Variants in PSMD12 observed in about 807,000 individuals in gnomAD.
PSMD12 encodes the protein proteasome 26S subunit, non-ATPase 12.
In PSMD12, 8 loss-of-function variants were observed where a neutral mutation model predicts 62.9. The observed-to-expected ratio is 0.13, with a 90% CI of 0.07 to 0.23. The LOEUF (loss-of-function observed/expected upper bound fraction) is 0.23, where lower values mean the gene tolerates loss of function less well. Among genes scored for constraint, PSMD12 ranks in the 10% least tolerant of loss-of-function variants. The pLI is 1.00. For missense variants in PSMD12, 424 were observed against 550.2 expected (o/e 0.77, Z 2.29); for synonymous variants, 173 against 187.4 (o/e 0.92, Z 0.63).
chr17:67,346,306 A>T (rs1294357561), intron 7 of PSMD12, among the ~76,000 whole-genome samples: 2 of 151,926 alleles, frequency 1.3e-5, no homozygotes, highest in Non-Finnish European at 2.9e-5. Context: ...GAGGCAGGAG[A>T]ATGGTGTGAA....
intron 3 of PSMD12, 162 bp downstream of exon 3, chr17:67,357,141 A>G: frequency 1.4e-6 from 1 of 722,664 alleles, no homozygotes; most frequent in East Asian, 2.9e-5. Context: ...AAAAACAGAA[A>G]ACAGTCATAT....
At chr17:67,347,045 AT>A (rs2041973573) in intron 7 of PSMD12, 70 bp downstream of exon 7, 1 of 1,458,254 alleles carries the variant, frequency 6.9e-7, no homozygotes, top group Non-Finnish European at 9.3e-7. Flanking sequence ...AGTTAAAAAG[AT>A]TTGAAAATAA....
chr17:67,359,637 A>G (rs2042111245), intron 1 of PSMD12, among the ~76,000 whole-genome samples: 1 of 152,222 alleles, frequency 6.6e-6, no homozygotes, highest in Non-Finnish European at 1.5e-5. Flanking sequence ...GATAGCTTTT[A>G]AACATGCATG....
intron 1 of PSMD12, among the ~76,000 whole-genome samples, chr17:67,363,106 C>T (rs1004535982): frequency 1.2e-4 from 19 of 152,248 alleles, no homozygotes; most frequent in African/African-American, 4.6e-4. Flanking sequence ...TCTAAGGCTT[C>T]TGCTAAATAC....
chr17:67,345,707 C>T (rs748659280), intron 8 of PSMD12, 38 bp downstream of exon 8: 98 of 1,530,598 alleles, frequency 6.4e-5, no homozygotes, highest in South Asian at 2.9e-4. Context: ...AATGGTGTTT[C>T]GACTGAGATA....
chr17:67,351,214 A>G (rs1043247074), intron 3 of PSMD12, among the ~76,000 whole-genome samples: 2 of 151,706 alleles, frequency 1.3e-5, no homozygotes, highest in Non-Finnish European at 2.9e-5. Context: ...ACATGGTGAA[A>G]CCCCGTCTCT....
intron 8 of PSMD12, 62 bp from the exon 9 acceptor site, chr17:67,344,842 T>C (rs753180455): frequency 3.1e-6 from 4 of 1,311,392 alleles, no homozygotes; most frequent in East Asian, 2.6e-5. Flanking sequence ...ACTAATATAA[T>C]AGCAAAGTTC....
chr17:67,361,903 AAAAAAAGG>A lies in PSMD12; in HGVS notation c.109-4333_109-4326del, dbSNP rs1264481583. On this transcript the variant is annotated intron_variant, in intron 1 of 10. Transcript: ENST00000356126. The stretch of plus-strand genomic sequence containing the variant: ...AAAAAAAAAAAAAAAAAAAAAAAAA[AAAAAAAGG>A]AAGGAAGGAAGGGAGGGAGGGAGGG... 2.8e-3 allele frequency among the ~76,000 whole-genome samples: 234 copies of A among 84,642 alleles called. 20 individuals are homozygous for A. Among genetic ancestry groups the A allele is most frequent in the Middle Eastern group, 6.8e-3 (1 of 146 alleles). The allele number at this position is 84,642 out of a possible 152,430, so 55.5% of individuals were successfully genotyped here.
At chr17:67,365,915 A>G (rs1377362299) in intron 1 of PSMD12, among the ~76,000 whole-genome samples, 3 of 152,040 alleles carry the variant, frequency 2.0e-5, no homozygotes, top group African/African-American at 7.2e-5. Context: ...CATCACGTAC[A>G]TCAACTCCTA....
At position 67,351,871 on chromosome 17, in the gene PSMD12, G is replaced by A. The variant is rs551529980; in HGVS notation, c.298-1535C>T. 5.9e-5 allele frequency among the ~76,000 whole-genome samples: 9 copies of A among 151,586 alleles called. No individual in the cohort carries two copies. The South Asian group carries it at 1.0e-3, about 17-fold the overall frequency. On this transcript the variant is annotated intron_variant, in intron 3 of 10. Coordinates refer to ENST00000356126, the MANE Select transcript of PSMD12 (RefSeq NM_002816.5). ...TCCCAGACTTTGGGAGGCTGAGGCC[G>A]GCGGATCACGAGGTCAAGAGATCGA...
At chr17:67,356,375 G>A (rs999924459) in intron 3 of PSMD12, among the ~76,000 whole-genome samples, 10 of 150,906 alleles carry the variant, frequency 6.6e-5, no homozygotes, top group African/African-American at 2.2e-4. Flanking sequence ...TGGCTAACAC[G>A]GTGAAACCCC....
At chr17:67,359,800 A>G (rs2042113198) in intron 1 of PSMD12, among the ~76,000 whole-genome samples, 1 of 152,186 alleles carries the variant, frequency 6.6e-6, no homozygotes, top group Non-Finnish European at 1.5e-5. Flanking sequence ...AGATTTATAT[A>G]TATAATAAAT....
intron 3 of PSMD12, among the ~76,000 whole-genome samples, chr17:67,353,383 T>C (rs747191061): frequency 6.0e-5 from 9 of 150,236 alleles, no homozygotes; most frequent in Non-Finnish European, 1.0e-4. Context: ...CTTGGCTCAC[T>C]GCAGCTTCCG....
intron 9 of PSMD12, among the ~76,000 whole-genome samples, chr17:67,343,015 G>T (rs1323449346): frequency 6.6e-6 from 1 of 151,134 alleles, no homozygotes; most frequent in Non-Finnish European, 1.5e-5. Flanking sequence ...CTTAAAGATA[G>T]CTTCAAATTA....
intron 7 of PSMD12, among the ~76,000 whole-genome samples, chr17:67,346,191 G>A (rs779246842): frequency 1.1e-4 from 17 of 152,112 alleles, no homozygotes; most frequent in Non-Finnish European, 2.2e-4. Context: ...TCAGGAGATC[G>A]AGACCATCCT....
At chr17:67,345,536 G>A in intron 8 of PSMD12, 1 of 480,342 alleles carries the variant, frequency 2.1e-6, no homozygotes, top group Non-Finnish European at 3.8e-6. Context: ...CGGCTACTCG[G>A]AAGGTTGAGG....
Position 67,344,898 on chromosome 17 carries a change from A to G in PSMD12, c.909-118T>C, listed in dbSNP as rs2041950232. 8.7e-6 allele frequency: 7 copies of G among 800,446 alleles called. No individual in the cohort carries two copies. The South Asian group carries it at 1.7e-4, about 19-fold the overall frequency. The allele number at this position is 800,446 out of a possible 1,614,324, so 49.6% of individuals were successfully genotyped here. A position where few individuals can be genotyped will look rare whatever the true frequency, so the allele number is the denominator to read the frequency against. On this transcript the variant is annotated intron_variant, in intron 8 of 10. Coordinates refer to ENST00000356126, the MANE Select transcript of PSMD12 (RefSeq NM_002816.5). ...TTTTCGTTAAATTTTATTTAGTAGA[A>G]TGAGACACCATATGATTATTGTGTA...
chr17:67,351,959 T>C (rs190693133), intron 3 of PSMD12, among the ~76,000 whole-genome samples: 5 of 151,460 alleles, frequency 3.3e-5, no homozygotes, highest in Non-Finnish European at 5.9e-5. Context: ...TAGCCGGGTG[T>C]GGTGGTGCAT....
Position 67,366,536 on chromosome 17 carries a change from T to C in PSMD12, c.-17A>G, listed in dbSNP as rs762816165. The C allele has an allele frequency of 2.5e-6, 4 of 1,587,560 alleles. No homozygotes were observed. Among genetic ancestry groups the C allele is most frequent in the Non-Finnish European group, 3.4e-6 (4 of 1,168,334 alleles). ...GTCCGCCATGGTCCCCGCCTGAGCG[T>C]CCCTTGCTGTCCCCCTGCTTCGGCC... On this transcript the variant is annotated 5_prime_UTR_variant, in exon 1 of 11. Transcript: ENST00000356126.
Sources: gnomAD v4.1 joint callset for allele counts (sites outside exome capture counted in the v4.1 genomes callset) on GRCh38, gnomAD v4.1.1 for gene constraint, MANE v1.5 for transcripts, NCBI Gene and HGNC (gene_info 2026-07-23, HGNC 2026-07-21) for gene names.